Variants in CFLAR observed in about 807,000 individuals in gnomAD.
CFLAR encodes the protein CASP8 and FADD like apoptosis regulator.
In CFLAR, 14 loss-of-function variants were observed where a neutral mutation model predicts 51.1. That is an observed-to-expected ratio of 0.27 (90% CI 0.18 to 0.43). CFLAR has a LOEUF of 0.43. Among genes scored for constraint, CFLAR ranks in the 20% least tolerant of loss-of-function variants. CFLAR has a pLI of 1.00. For synonymous variants in CFLAR, 210 were observed against 211.6 expected (o/e 0.99, Z 0.06); for missense variants, 390 against 566.5 (o/e 0.69, Z 3.16).
intron 6 of CFLAR, chr2:201,148,786 C>G (rs1415862887): frequency 2.1e-6 from 1 of 466,632 alleles, no homozygotes; most frequent in Non-Finnish European, 3.9e-6. Flanking sequence ...AGCAGCTTTT[C>G]CAGATAGCCC....
At chr2:201,154,084 C>A in intron 8 of CFLAR, 1 of 286,858 alleles carries the variant, frequency 3.5e-6, no homozygotes, top group South Asian at 2.9e-5. Context: ...TTTCTTTTTT[C>A]TTTTTATATT....
chr2:201,127,139 T>C (rs1300290579), intron 1 of CFLAR, among the ~76,000 whole-genome samples: 2 of 152,090 alleles, frequency 1.3e-5, no homozygotes, highest in Admixed American at 1.3e-4. Flanking sequence ...CTGAAAACAC[T>C]TGGGGGGAGA....
chr2:201,174,970 C>T lies in CFLAR; in HGVS notation c.*10997C>T, dbSNP rs143505583. On this transcript the variant is annotated 3_prime_UTR_variant, in exon 10 of 10. Coordinates refer to ENST00000309955, the MANE Select transcript of CFLAR (RefSeq NM_003879.7). ...TGCCCATTCTATGGTAATTATAATACATTAGCACGCTAAAAGAAACTTCTA... is the reference window on the plus strand; with the variant it reads ...TGCCCATTCTATGGTAATTATAATATATTAGCACGCTAAAAGAAACTTCTA... The T allele has an allele frequency of 1.3e-5, 2 of 152,272 alleles. No individual in the cohort carries two copies. Among genetic ancestry groups the T allele is most frequent in the East Asian group, 1.9e-4 (1 of 5,186 alleles). The allele number at this position is 152,272 out of a possible 1,614,324, so 9.4% of individuals were successfully genotyped here. A position where few individuals can be genotyped will look rare whatever the true frequency, so the allele number is the denominator to read the frequency against.
Position 201,138,392 on chromosome 2 carries a change from G to A in CFLAR, c.524-1965G>A, listed in dbSNP as rs2050438514. 24 of 778,480 alleles carry A rather than the reference G, an allele frequency of 3.1e-5. No individual in the cohort carries two copies. Among genetic ancestry groups the A allele is most frequent in the South Asian group, 3.0e-4 (22 of 74,238 alleles). The allele number at this position is 778,480 out of a possible 1,614,324, so 48.2% of individuals were successfully genotyped here. ...GTCTCGGTTCTTCAGCGCGGTGCAG[G>A]TGATAATGGCCACCAGCTCATCGCG... On this transcript the variant is annotated intron_variant, in intron 4 of 9. Transcript: ENST00000309955. The surrounding 1 kb of genome is among the most constrained non-coding windows in gnomAD (Gnocchi z 4.0).
rs942166662 is a variant in CFLAR at position 201,153,494 on chromosome 2, G to A, written c.793+3659G>A. On this transcript the variant is annotated intron_variant, in intron 8 of 9. Transcript: ENST00000309955. ...GTTGAAAATGGTTGTTATTATTAGT[G>A]CAGCACCCTTCATCTCTTTTCCTTC... 4.8e-4 allele frequency: 73 copies of A among 152,174 alleles called. 1 individual carries two copies. The highest frequency in any genetic ancestry group is 1.8e-3 in the African/African-American group (73 of 41,432). The allele number at this position is 152,174 out of a possible 1,614,324, so 9.4% of individuals were successfully genotyped here.
At chr2:201,133,189 AC>A in intron 3 of CFLAR, 55 bp downstream of exon 3, 1 of 1,298,588 alleles carries the variant, frequency 7.7e-7, no homozygotes, top group Non-Finnish European at 1.1e-6. Flanking sequence ...AGTGGGAGCT[AC>A]TCTTGTTGAT....
chr2:201,133,169 G>T, intron 3 of CFLAR, 35 bp downstream of exon 3: 1 of 1,538,196 alleles, frequency 6.5e-7, no homozygotes, highest in Non-Finnish European at 9.0e-7. Flanking sequence ...GGCCCCAGGA[G>T]CCTATCAGAA....
chr2:201,163,795 T>C, intron 9 of CFLAR, 40 bp from the exon 10 acceptor site: 1 of 1,582,844 alleles, frequency 6.3e-7, no homozygotes, highest in South Asian at 1.1e-5. Flanking sequence ...CTCTTTGATA[T>C]TTGCATGGCA....
Position 201,160,011 on chromosome 2 carries a change from TC to T in CFLAR, c.794-420del, listed in dbSNP as rs539210309. Among the ~76,000 whole-genome samples the T allele has an allele frequency of 4.6e-5, 7 of 152,320 alleles. No homozygotes were observed. In the South Asian group the frequency reaches 1.2e-3, roughly 27 times the overall value. ...GAAGCCTGTTCTTCATGTGGGCCTCTCTGAGGGACTGCTTGAGTACTTTCAT... is the reference window on the plus strand; with the variant it reads ...GAAGCCTGTTCTTCATGTGGGCCTCTTGAGGGACTGCTTGAGTACTTTCAT... On this transcript the variant is annotated intron_variant, in intron 8 of 9. Transcript: ENST00000309955.
At chr2:201,153,418 C>T (rs1017326555) in intron 8 of CFLAR, 6 of 152,316 alleles carry the variant, frequency 3.9e-5, no homozygotes, top group African/African-American at 1.2e-4. Flanking sequence ...TTTCCCTCCT[C>T]CTCTCCTGGT....
At chr2:201,125,939 G>A (rs941137582) in intron 1 of CFLAR, among the ~76,000 whole-genome samples, 18 of 152,132 alleles carry the variant, frequency 1.2e-4, no homozygotes, top group African/African-American at 4.3e-4. Flanking sequence ...GGTTTCCTGG[G>A]ACTCGGTCAC....
chr2:201,118,108 T>C lies in CFLAR; in HGVS notation c.-138+1627T>C, dbSNP rs2047796998. Among the ~76,000 whole-genome samples, 1 of 152,248 alleles carries C rather than the reference T, an allele frequency of 6.6e-6. No individual in the cohort carries two copies. Among genetic ancestry groups the C allele is most frequent in the African/African-American group, 2.4e-5 (1 of 41,468 alleles). On this transcript the variant is annotated intron_variant, in intron 1 of 9. Coordinates refer to ENST00000309955, the MANE Select transcript of CFLAR (RefSeq NM_003879.7). This position sits in a 1 kb window ranked among gnomAD's most constrained non-coding sequence, Gnocchi z 5.1. ...GGGTTGAAAGGGAGTTTTTAATGTTTACTGTTTGCTTTACATCCATTTTCT... is the reference window on the plus strand; with the variant it reads ...GGGTTGAAAGGGAGTTTTTAATGTTCACTGTTTGCTTTACATCCATTTTCT...
intron 1 of CFLAR, among the ~76,000 whole-genome samples, chr2:201,126,993 T>C (rs1015472034): frequency 5.3e-5 from 8 of 152,070 alleles, no homozygotes; most frequent in Admixed American, 3.9e-4. Context: ...TGTACCAGGG[T>C]GTGGGTGTGG....
intron 5 of CFLAR, chr2:201,141,945 C>G (rs1395450900): frequency 1.3e-5 from 2 of 152,202 alleles, no homozygotes; most frequent in African/African-American, 4.8e-5. Flanking sequence ...GCAGGCTTTT[C>G]AGTTTTTGCC....
chr2:201,129,733 C>A lies in CFLAR; in HGVS notation c.-133C>A, dbSNP rs2049060566. The A allele has an allele frequency of 1.2e-6, 1 of 810,118 alleles. No individual in the cohort carries two copies. The highest frequency in any genetic ancestry group is 1.7e-5 in the African/African-American group (1 of 58,288). The allele number at this position is 810,118 out of a possible 1,614,324, so 50.2% of individuals were successfully genotyped here. On this transcript the variant is annotated 5_prime_UTR_variant, in exon 2 of 10. Coordinates refer to ENST00000309955, the MANE Select transcript of CFLAR (RefSeq NM_003879.7). ...AAAATTCCCTTTTAACCACAGAACT[C>A]CCCCACTGGAAAGGATTCTGAAAGA...
chr2:201,141,765 G>T, intron 5 of CFLAR: 1 of 437,318 alleles, frequency 2.3e-6, no homozygotes, highest in Non-Finnish European at 3.1e-6. Flanking sequence ...TATCGGAATT[G>T]TTCTTTAGTT....
chr2:201,163,531 C>A, intron 9 of CFLAR: 1 of 1,177,628 alleles, frequency 8.5e-7, no homozygotes, highest in Non-Finnish European at 1.1e-6. Flanking sequence ...GATAGATACT[C>A]CATGGGCCGG....
At chr2:201,137,346 C>T (rs2050275380) in intron 4 of CFLAR, 2 of 337,816 alleles carry the variant, frequency 5.9e-6, no homozygotes, top group Non-Finnish European at 1.2e-5. Context: ...CAGGGGATGC[C>T]CAGCAAGGGG....
chr2:201,140,281 G>A (rs1938364691), intron 4 of CFLAR, 76 bp from the exon 5 acceptor site: 1 of 1,561,226 alleles, frequency 6.4e-7, no homozygotes, highest in East Asian at 2.3e-5. Context: ...ATTGACCTTG[G>A]ACTGAACCAC....
Sources: allele counts gnomAD v4.1 joint callset (sites outside exome capture counted in the v4.1 genomes callset), GRCh38; gene constraint gnomAD v4.1.1; non-coding constraint Gnocchi (gnomAD v3.1); transcripts MANE v1.5; gene names NCBI Gene and HGNC (gene_info 2026-07-23, HGNC 2026-07-21).